RAB23: variants seen among roughly 807,000 people sequenced by gnomAD.
RAB23 encodes the protein RAB23, member RAS oncogene family.
In RAB23, 15 loss-of-function variants were observed where a neutral mutation model predicts 30.0. That is an observed-to-expected ratio of 0.50 (90% confidence interval 0.33 to 0.77). The LOEUF is 0.77. Among genes scored for constraint, RAB23 ranks in the 30% least tolerant of loss-of-function variants. RAB23 has a pLI of 0.02. For missense variants in RAB23, 243 were observed against 275.4 expected (o/e 0.88, Z 0.83); for synonymous variants, 93 against 94.0 (o/e 0.99, Z 0.06).
Position 57,189,089 on chromosome 6 carries a change from T to C in RAB23, c.*1372A>G, listed in dbSNP as rs1425792447. The C allele has an allele frequency of 4.6e-5, 7 of 152,176 alleles. No individual in the cohort carries two copies. The highest frequency in any genetic ancestry group is 1.4e-4 in the African/African-American group (6 of 41,460). 9.4% of individuals were successfully genotyped at this position (152,176 alleles called of 1,614,324 possible). On this transcript the variant is annotated 3_prime_UTR_variant, in exon 7 of 7. Coordinates refer to ENST00000468148, the MANE Select transcript of RAB23 (RefSeq NM_016277.5). ...GGTTAAAAATAAAGCCATTGATGAG[T>C]GATAATCAGTTTTAACAGAGTTCAC...
rs1765612399 is a variant in RAB23, at chr6:57,210,452, T to C, written c.-65-7A>G. ...CAGATCTTCCCTCTCAAATCTGTGG[T>C]TTAAAATGAAATTATTTTTTCATAA... is the stretch of plus-strand genomic sequence containing the variant. On this transcript the variant is annotated splice_region_variant and splice_polypyrimidine_tract_variant and intron_variant, in intron 1 of 6. Coordinates refer to ENST00000468148, the MANE Select transcript of RAB23 (RefSeq NM_016277.5). 1 of 1,473,058 alleles carries C rather than the reference T, an allele frequency of 6.8e-7. No individual in the cohort carries two copies. Among genetic ancestry groups the C allele is most frequent in the Non-Finnish European group, 9.5e-7 (1 of 1,057,586 alleles). The allele number at this position is 1,473,058 out of a possible 1,614,324, so 91.2% of individuals were successfully genotyped here.
In RAB23 at chr6:57,190,529, T is replaced by G. The variant is rs1470372071; in HGVS notation, c.646A>C (p.Asn216His). Reference protein sequence around the residue: ...SGTLNGGDVINLRPNKQRTKK... With the variant: ...SGTLNGGDVIHLRPNKQRTKK... ...GTCCTTTGTTTGTTGGGTCTAAGAT[T>G]GATGACATCTCCACCATTGAGGGTA... The change falls in exon 7 of 7, where the codon AAT becomes CAT. Residue 216 changes from asparagine (N) to histidine (H), a missense_variant. By Grantham distance (68) the Asn-to-His change is moderately conservative. Transcript: ENST00000468148. 6.2e-7 allele frequency: 1 copy of G among 1,613,822 alleles called. No individual in the cohort carries two copies. The highest frequency in any genetic ancestry group is 8.5e-7 in the Non-Finnish European group (1 of 1,179,804).
intron 3 of RAB23, among the ~76,000 whole-genome samples, chr6:57,200,536 CAAAAAA>C (rs989178921): frequency 7.0e-5 from 3 of 42,648 alleles, no homozygotes; most frequent in East Asian, 7.0e-4. Context: ...GACTCTGTCT[CAAAAAA>C]AAAAAAAAAA....
rs1766088790 is a variant in RAB23, at chr6:57,222,161, C to T, written c.-501G>A. ...AGCGGCTAGTTCGCACCCTCTTTCG[C>T]TCTCTTAAGAATGATTATGATTTTT... On this transcript the variant is annotated 5_prime_UTR_variant, in exon 1 of 7. Transcript: ENST00000468148. 6.6e-6 allele frequency: 1 copy of T among 152,262 alleles called. No individual in the cohort carries two copies. The highest frequency in any genetic ancestry group is 6.5e-5 in the Admixed American group (1 of 15,292). 9.4% of individuals were successfully genotyped at this position (152,262 alleles called of 1,614,324 possible).
intron 3 of RAB23, among the ~76,000 whole-genome samples, chr6:57,200,618 G>A (rs1298301121): frequency 6.6e-6 from 1 of 151,686 alleles, no homozygotes; most frequent in East Asian, 1.9e-4. Context: ...AGGTGCAGTA[G>A]GATGGATGAG....
In RAB23 at chr6:57,188,535, G is replaced by A. The variant is rs1365596047; in HGVS notation, c.*1926C>T. ...GATTTTTCTGCCAATAAAGACAAAA[G>A]ACTATTTGTTGCAAAGTATTATTTT... is the stretch of plus-strand genomic sequence containing the variant. On this transcript the variant is annotated 3_prime_UTR_variant, in exon 7 of 7. Transcript: ENST00000468148. The A allele has an allele frequency of 2.0e-5, 3 of 152,068 alleles. No homozygotes were observed. Among genetic ancestry groups the A allele is most frequent in the Admixed American group, 1.3e-4 (2 of 15,270 alleles). 9.4% of individuals were successfully genotyped at this position (152,068 alleles called of 1,614,324 possible). A position where few individuals can be genotyped will look rare whatever the true frequency, so the allele number is the denominator to read the frequency against.
chr6:57,207,679 C>T lies in RAB23; in HGVS notation c.190G>A (p.Asp64Asn), dbSNP rs754099578. ...NDEDVRLMLW[D>N]TAGQEEFDAI... Reference sequence around the variant, plus strand: ...TCAAATTCCTCCTGACCTGCAGTGTCCCATAACATTAGTCTGACATCTTCA... The same window carrying T: ...TCAAATTCCTCCTGACCTGCAGTGTTCCATAACATTAGTCTGACATCTTCA... The change falls in exon 3 of 7, where the codon GAC (aspartate) becomes AAC (asparagine). Residue 64 changes from aspartate to asparagine, a missense_variant. By Grantham distance (23) the Asp-to-Asn change is conservative. Coordinates refer to ENST00000468148, the MANE Select transcript of RAB23 (RefSeq NM_016277.5). The T allele has an allele frequency of 6.2e-7, 1 of 1,605,116 alleles. No individual in the cohort carries two copies. The highest frequency in any genetic ancestry group is 1.7e-5 in the Admixed American group (1 of 59,978).
chr6:57,209,804 T>C (rs761042399), intron 2 of RAB23, among the ~76,000 whole-genome samples: 1 of 152,216 alleles, frequency 6.6e-6, no homozygotes, highest in Admixed American at 6.5e-5. Context: ...AAGCAAACTA[T>C]TAATTCTCTA....
intron 3 of RAB23, among the ~76,000 whole-genome samples, chr6:57,199,125 G>A (rs758921831): frequency 2.6e-5 from 4 of 152,204 alleles, no homozygotes; most frequent in South Asian, 2.1e-4. Context: ...CCCCTCAACC[G>A]GGCTTCAGCG....
chr6:57,213,314 G>A (rs1765720930), intron 1 of RAB23, among the ~76,000 whole-genome samples: 1 of 152,050 alleles, frequency 6.6e-6, no homozygotes, highest in Non-Finnish European at 1.5e-5. Flanking sequence ...TGGGAGTTGG[G>A]GACCCCTGGT....
At chr6:57,200,421 C>A (rs1220966486) in intron 3 of RAB23, among the ~76,000 whole-genome samples, 1 of 149,930 alleles carries the variant, frequency 6.7e-6, no homozygotes. Context: ...CCTGTAGTCC[C>A]AGCTACTTGG....
rs913927152 is a variant in RAB23, at chr6:57,215,119, C to T, written c.-65-4674G>A. Reference sequence around the variant, plus strand: ...GAACTTGAACATACAATCTGAGCCACGCAAACAGGCTGAAATAAAGGACAG... The same window carrying T: ...GAACTTGAACATACAATCTGAGCCATGCAAACAGGCTGAAATAAAGGACAG... On this transcript the variant is annotated intron_variant, in intron 1 of 6. Coordinates refer to ENST00000468148, the MANE Select transcript of RAB23 (RefSeq NM_016277.5). 5.9e-5 allele frequency among the ~76,000 whole-genome samples: 9 copies of T among 152,226 alleles called. No homozygotes were observed. The South Asian group carries it at 6.2e-4, about 11-fold the overall frequency.
At chr6:57,199,359 G>A (rs534527457) in intron 3 of RAB23, among the ~76,000 whole-genome samples, 1 of 152,316 alleles carries the variant, frequency 6.6e-6, no homozygotes, top group Admixed American at 6.5e-5. Flanking sequence ...GTGATACTTA[G>A]AACGCTTTAC....
In RAB23 at chr6:57,187,162, A is replaced by G. The variant is rs962494122; in HGVS notation, c.*3299T>C. 3 of 152,216 alleles carry G rather than the reference A, an allele frequency of 2.0e-5. No homozygotes were observed. The highest frequency in any genetic ancestry group is 7.2e-5 in the African/African-American group (3 of 41,460). The allele number at this position is 152,216 out of a possible 1,614,324, so 9.4% of individuals were successfully genotyped here. A position where few individuals can be genotyped will look rare whatever the true frequency, so the allele number is the denominator to read the frequency against. On this transcript the variant is annotated 3_prime_UTR_variant, in exon 7 of 7. Transcript: ENST00000468148. ...AGCATTATTTATTAGTAATAAAAAT[A>G]TAGAAGGAATTCAGTTTTCCTTTTA... is the stretch of plus-strand genomic sequence containing the variant.
At chr6:57,217,810 T>C (rs991520577) in intron 1 of RAB23, among the ~76,000 whole-genome samples, 5 of 152,152 alleles carry the variant, frequency 3.3e-5, no homozygotes, top group African/African-American at 1.2e-4. Flanking sequence ...AAAGCTGGCT[T>C]TTTGAGAAGA....
rs771703421 is a variant in RAB23, at chr6:57,190,526, G to A, written c.649C>T (p.Leu217Phe). 1.2e-6 allele frequency: 2 copies of A among 1,614,004 alleles called. No homozygotes were observed. Among genetic ancestry groups the A allele is most frequent in the East Asian group, 2.2e-5 (1 of 44,874 alleles). The change falls in exon 7 of 7, where the codon CTT (leucine) becomes TTT (phenylalanine). Residue 217 changes from leucine to phenylalanine, a missense_variant. Coordinates refer to ENST00000468148, the MANE Select transcript of RAB23 (RefSeq NM_016277.5). ...TTGGTCCTTTGTTTGTTGGGTCTAA[G>A]ATTGATGACATCTCCACCATTGAGG... is the stretch of plus-strand genomic sequence containing the variant. Reference protein sequence around the residue: ...GTLNGGDVINLRPNKQRTKKN... With the variant: ...GTLNGGDVINFRPNKQRTKKN...
At chr6:57,190,970 T>C (rs1484102668) in intron 6 of RAB23, among the ~76,000 whole-genome samples, 2 of 152,222 alleles carry the variant, frequency 1.3e-5, no homozygotes, top group East Asian at 3.9e-4. Flanking sequence ...AATGGAATAA[T>C]AGTGTCTTTT....
rs934185406 is a variant in RAB23 at position 57,213,321 on chromosome 6, T to TG, written c.-65-2877dup. Among the ~76,000 whole-genome samples, 22 of 152,160 alleles carry TG rather than the reference T, an allele frequency of 1.4e-4. 1 individual carries two copies. Among genetic ancestry groups the TG allele is most frequent in the Admixed American group, 9.2e-4 (14 of 15,286 alleles). On this transcript the variant is annotated intron_variant, in intron 1 of 6. Transcript: ENST00000468148. The stretch of plus-strand genomic sequence containing the variant: ...CCACGGCCTGGGAGTTGGGGACCCC[T>TG]GGTCTAGGGTACAATCTGGACATCA...
chr6:57,194,548 A>G (rs944410620), intron 5 of RAB23, among the ~76,000 whole-genome samples: 1 of 152,116 alleles, frequency 6.6e-6, no homozygotes, highest in South Asian at 2.1e-4. Context: ...TTTCAAAGAT[A>G]ATAATAAAAA....
Sources: gnomAD v4.1 joint callset for allele counts (sites outside exome capture counted in the v4.1 genomes callset) on GRCh38, gnomAD v4.1.1 for gene constraint, MANE v1.5 for transcripts, NCBI Gene and HGNC (gene_info 2026-07-23, HGNC 2026-07-21) for gene names.